FBXO34: variants seen among roughly 807,000 people sequenced by gnomAD.
The protein encoded by FBXO34 is F-box protein 34, also known as F-box only protein 34.
A neutral mutation model predicts 24.5 loss-of-function variants in FBXO34; 12 were observed. The observed-to-expected ratio is 0.49, with a 90% CI of 0.31 to 0.79. FBXO34 has a LOEUF of 0.79. Among genes scored for constraint, FBXO34 ranks in the 30% least tolerant of loss-of-function variants. FBXO34 has a pLI of 0.04. For synonymous variants in FBXO34, 320 were observed against 311.9 expected, an observed-to-expected ratio of 1.03 and a Z score of -0.27; for missense variants, 823 against 857.7, an observed-to-expected ratio of 0.96 and a Z score of 0.51.
chr14:55,296,583 A>C (rs1308055002), intron 1 of FBXO34, among the ~76,000 whole-genome samples: 1 of 151,298 alleles, frequency 6.6e-6, no homozygotes, highest in Non-Finnish European at 1.5e-5. Flanking sequence ...TTTTTAGTAG[A>C]GATGGGGTTT....
chr14:55,382,317 T>C, the FBXO34 span: 16 of 736,600 alleles, frequency 2.2e-5, no homozygotes, highest in Non-Finnish European at 3.5e-5. Flanking sequence ...CATTAAATTT[T>C]TATTTTTTAT....
Position 55,317,262 on chromosome 14 carries a change from A to G in FBXO34, c.-10-33119A>G, listed in dbSNP as rs1320677982. 2.0e-5 allele frequency among the ~76,000 whole-genome samples: 3 copies of G among 152,204 alleles called. No individual in the cohort carries two copies. The East Asian group carries it at 5.8e-4, about 29-fold the overall frequency. ...TTTTGCAAGCCAGTTGCTAAATGTA[A>G]CAATTATTTAAAATTATACAAATTT... On this transcript the variant is annotated intron_variant, in intron 1 of 1. Transcript: ENST00000313833.
chr14:55,272,339 A>G (rs904537310), intron 1 of FBXO34: 3 of 152,246 alleles, frequency 2.0e-5, no homozygotes, highest in African/African-American at 7.2e-5. Flanking sequence ...CTTCTTGTCC[A>G]GCAAGCGTTG....
At chr14:55,378,068 A>G in the FBXO34 span, 1 of 1,612,698 alleles carries the variant, frequency 6.2e-7, no homozygotes, top group South Asian at 1.1e-5. Flanking sequence ...TTTCGCCACA[A>G]AATTCACTGT....
At chr14:55,429,459 TG>T in the FBXO34 span, among the ~76,000 whole-genome samples, 2 of 152,306 alleles carry the variant, frequency 1.3e-5, no homozygotes, top group South Asian at 4.1e-4. Context: ...TCTCAAAGTA[TG>T]TCCCATTTAG....
rs137934935 is a variant in FBXO34 at position 55,316,760 on chromosome 14, G to A, written c.-10-33621G>A. Reference sequence around the variant, plus strand: ...AAAGCCATAAAAGAATTTCAAGACGGCAACAGCAGAGCATTAAACCGATTT... The same window carrying A: ...AAAGCCATAAAAGAATTTCAAGACGACAACAGCAGAGCATTAAACCGATTT... On this transcript the variant is annotated intron_variant, in intron 1 of 1. Coordinates refer to ENST00000313833, the MANE Select transcript of FBXO34 (RefSeq NM_017943.4). Among the ~76,000 whole-genome samples the A allele has an allele frequency of 1.2e-4, 18 of 151,558 alleles. No individual in the cohort carries two copies. The East Asian group carries it at 3.1e-3, about 26-fold the overall frequency.
chr14:55,442,090 C>A, the FBXO34 span, among the ~76,000 whole-genome samples: 125 of 151,416 alleles, frequency 8.3e-4, no homozygotes, highest in African/African-American at 2.7e-3. Context: ...ATGTAAGATA[C>A]GTAAAAATGT....
chr14:55,282,111 C>T (rs950830984), intron 1 of FBXO34, among the ~76,000 whole-genome samples: 1 of 151,068 alleles, frequency 6.6e-6, no homozygotes, highest in East Asian at 1.9e-4. Flanking sequence ...ATTCCCCTGC[C>T]TCAGCCTCCC....
the FBXO34 span, chr14:55,411,932 G>A: frequency 2.0e-6 from 2 of 1,005,306 alleles, no homozygotes; most frequent in African/African-American, 3.2e-5. Flanking sequence ...GCGAGCCCCC[G>A]GACCCCTCCG....
the FBXO34 span, chr14:55,436,677 G>A: frequency 6.0e-5 from 97 of 1,614,216 alleles, no homozygotes; most frequent in East Asian, 2.0e-3. Flanking sequence ...GCTGGACTGA[G>A]TCAGTATCAC....
chr14:55,419,877 T>C, the FBXO34 span, among the ~76,000 whole-genome samples: 1 of 152,326 alleles, frequency 6.6e-6, no homozygotes, highest in Non-Finnish European at 1.5e-5. Flanking sequence ...ACACTTTACA[T>C]TTTCTAGGCA....
At chr14:55,395,805 A>G in the FBXO34 span, 32,488 of 490,524 alleles carry the variant, frequency 0.066, 1,278 homozygotes, top group South Asian at 0.09. Context: ...TATTTGAGAA[A>G]GCCACGCTAC....
intron 1 of FBXO34, among the ~76,000 whole-genome samples, chr14:55,296,391 G>GTTTTTTTTTTTTTTTTTTT (rs1167344634): frequency 2.8e-4 from 18 of 64,744 alleles, no homozygotes; most frequent in Non-Finnish European, 3.6e-4. Flanking sequence ...TGTTTTTTTT[G>GTTTTTTTTTTTTTTTTTTT]TTTTTTTTTT....
chr14:55,437,452 T>C, the FBXO34 span, among the ~76,000 whole-genome samples: 1 of 152,250 alleles, frequency 6.6e-6, no homozygotes, highest in Non-Finnish European at 1.5e-5. Flanking sequence ...CACTCCAGCC[T>C]GGGTATCAGA....
At chr14:55,413,878 G>T in the FBXO34 span, 1 of 444,276 alleles carries the variant, frequency 2.3e-6, no homozygotes, top group Admixed American at 2.4e-5. Flanking sequence ...GACTCTTCCA[G>T]CTTTGCTGTG....
At chr14:55,405,709 G>A in the FBXO34 span, among the ~76,000 whole-genome samples, 2 of 152,190 alleles carry the variant, frequency 1.3e-5, no homozygotes. Flanking sequence ...AATCCATACA[G>A]TTCTGTTCCT....
At chr14:55,398,124 T>C in the FBXO34 span, among the ~76,000 whole-genome samples, 2 of 152,088 alleles carry the variant, frequency 1.3e-5, no homozygotes, top group Admixed American at 6.6e-5. Flanking sequence ...ATTTTGTTTT[T>C]GTATTTTTAG....
chr14:55,441,647 C>A, the FBXO34 span, among the ~76,000 whole-genome samples: 60 of 152,268 alleles, frequency 3.9e-4, no homozygotes, highest in Non-Finnish European at 7.6e-4. Context: ...GGAAATCTCA[C>A]GAAAATAACG....
At chr14:55,306,430 A>G (rs768615726) in intron 1 of FBXO34, among the ~76,000 whole-genome samples, 9 of 152,246 alleles carry the variant, frequency 5.9e-5, no homozygotes, top group Non-Finnish European at 1.3e-4. Context: ...AGTCATTTCT[A>G]CACAGCGTCA....
Sources: gnomAD v4.1 joint callset for allele counts (sites outside exome capture counted in the v4.1 genomes callset) on GRCh38, gnomAD v4.1.1 for gene constraint, MANE v1.5 for transcripts, NCBI Gene and HGNC (gene_info 2026-07-23, HGNC 2026-07-21) for gene names.